The following TANC2 variants were observed in gnomAD, a reference collection of about 807,000 sequenced individuals.
The protein encoded by TANC2 is tetratricopeptide repeat, ankyrin repeat and coiled-coil containing 2.
In TANC2, 26 loss-of-function variants were observed where a neutral mutation model predicts 210.5. The observed-to-expected ratio is 0.12, with a 90% confidence interval of 0.09 to 0.17. The LOEUF (loss-of-function observed/expected upper bound fraction) is 0.17, where lower values mean the gene tolerates loss of function less well. Among genes scored for constraint, TANC2 ranks in the 10% least tolerant of loss-of-function variants. The pLI is 1.00. For synonymous variants in TANC2, 931 were observed against 967.1 expected, an observed-to-expected ratio of 0.96 and a Z score of 0.69; for missense variants, 2,129 against 2,608.9, an observed-to-expected ratio of 0.82 and a Z score of 4.01.
intron 5 of TANC2, among the ~76,000 whole-genome samples, chr17:63,178,067 C>T (rs1173983417): frequency 1.3e-5 from 2 of 152,250 alleles, no homozygotes; most frequent in African/African-American, 4.8e-5. Flanking sequence ...TGCGGTGGCT[C>T]ACGCCCGTAA....
At chr17:63,242,407 T>C (rs1439334463) in intron 8 of TANC2, among the ~76,000 whole-genome samples, 1 of 151,974 alleles carries the variant, frequency 6.6e-6, no homozygotes, top group East Asian at 1.9e-4. Context: ...TATAAAACAT[T>C]ATAATATCTG....
intron 19 of TANC2, among the ~76,000 whole-genome samples, chr17:63,401,854 A>G (rs2048353972): frequency 6.6e-6 from 1 of 152,200 alleles, no homozygotes; most frequent in African/African-American, 2.4e-5. Context: ...AAGAAACCAG[A>G]GTTTACGACA....
At chr17:62,971,762 C>T (rs2031708142) in intron 1 of TANC2, among the ~76,000 whole-genome samples, 1 of 152,216 alleles carries the variant, frequency 6.6e-6, no homozygotes, top group African/African-American at 2.4e-5. Context: ...CCTGTCAGAT[C>T]AGCAGCTTCA....
At position 62,966,919 on chromosome 17, in the gene TANC2, AC is replaced by A. The variant is rs1328148447; in HGVS notation, c.-24+172del. Reference sequence around the variant, plus strand: ...GGGGAAGGCTGGCTCCGAATATGACACCAAGGCGGGCTTCAGAGGCGTGTGG... The same window carrying A: ...GGGGAAGGCTGGCTCCGAATATGACACAAGGCGGGCTTCAGAGGCGTGTGG... On this transcript the variant is annotated intron_variant, in intron 1 of 27. Coordinates refer to ENST00000689528, the Ensembl canonical transcript of TANC2. This position sits in a 1 kb window ranked among gnomAD's most constrained non-coding sequence, Gnocchi z 5.1. 6.6e-6 allele frequency: 1 copy of A among 152,152 alleles called. No homozygotes were observed. The highest frequency in any genetic ancestry group is 1.5e-5 in the Non-Finnish European group (1 of 68,044). The allele number at this position is 152,152 out of a possible 1,614,324, so 9.4% of individuals were successfully genotyped here.
chr17:63,251,259 AGATT>A (rs2146155494), intron 8 of TANC2, among the ~76,000 whole-genome samples: 1 of 152,306 alleles, frequency 6.6e-6, no homozygotes, highest in East Asian at 1.9e-4. Flanking sequence ...TCTGACTGGG[AGATT>A]GATTAGGAAA....
intron 4 of TANC2, among the ~76,000 whole-genome samples, chr17:63,117,428 G>A (rs535597762): frequency 3.3e-5 from 5 of 152,254 alleles, no homozygotes; most frequent in South Asian, 2.1e-4. Flanking sequence ...AAAAGAACTC[G>A]TCTGTGTAAT....
In TANC2 at chr17:63,410,860, CAAAAAAAAAAAA is replaced by C. The variant is rs34268418; in HGVS notation, c.3590-633_3590-622del. ...AGGGCAACGGAGCAAGACTCCATCT[CAAAAAAAAAAAA>C]AAAAAAAAAAAAAAAAAGAAGCAGA... On this transcript the variant is annotated intron_variant, in intron 21 of 27. Coordinates refer to ENST00000689528, the Ensembl canonical transcript of TANC2. Among the ~76,000 whole-genome samples, 72 of 39,014 alleles carry C rather than the reference CAAAAAAAAAAAA, an allele frequency of 1.8e-3. 1 individual carries two copies. The East Asian group carries it at 0.079, about 43-fold the overall frequency. 25.6% of individuals were successfully genotyped at this position (39,014 alleles called of 152,430 possible).
At chr17:63,098,515 G>GTATATATATATATATATATATA (rs373665673) in intron 3 of TANC2, among the ~76,000 whole-genome samples, 1 of 126,754 alleles carries the variant, frequency 7.9e-6, no homozygotes, top group Admixed American at 8.0e-5. Flanking sequence ...CTCTCTGTGT[G>GTATATATATATATATATATATA]TATATATATA....
intron 11 of TANC2, among the ~76,000 whole-genome samples, chr17:63,338,747 C>T (rs2046121674): frequency 6.6e-6 from 1 of 152,206 alleles, no homozygotes. Context: ...GCTCAGACTT[C>T]ATTGCTTCAC....
At chr17:63,413,588 T>C (rs1340975941) in exon 25 of TANC2, 6 of 1,602,866 alleles carry the variant, frequency 3.7e-6, no homozygotes, top group Non-Finnish European at 4.3e-6. Flanking sequence ...GACATCATGA[T>C]CATCCTGTTG....
chr17:63,059,532 T>C (rs544825766), intron 2 of TANC2, among the ~76,000 whole-genome samples: 16 of 152,274 alleles, frequency 1.1e-4, no homozygotes, highest in African/African-American at 3.4e-4. Flanking sequence ...CCACTTATTA[T>C]CCAAAATAAT....
intron 8 of TANC2, among the ~76,000 whole-genome samples, chr17:63,239,833 T>G (rs376289802): frequency 7.9e-5 from 12 of 152,138 alleles, no homozygotes; most frequent in East Asian, 3.9e-4. Flanking sequence ...TCTGCTTGGC[T>G]TCTGAGGAGG....
At chr17:63,322,241 G>C (rs191849177) in intron 11 of TANC2, among the ~76,000 whole-genome samples, 1 of 152,220 alleles carries the variant, frequency 6.6e-6, no homozygotes. Context: ...TAGAATCCCT[G>C]TAATCCCAGC....
chr17:63,313,350 T>C (rs184922226), intron 9 of TANC2: 1 of 152,348 alleles, frequency 6.6e-6, no homozygotes, highest in East Asian at 1.9e-4. Flanking sequence ...TTAGAGCTGC[T>C]CTGGGAACAG....
chr17:63,348,877 T>C (rs1227157057), intron 12 of TANC2, among the ~76,000 whole-genome samples: 1 of 152,172 alleles, frequency 6.6e-6, no homozygotes, highest in Non-Finnish European at 1.5e-5. Context: ...ATCTCACCTC[T>C]TAAATTTATA....
chr17:63,070,818 A>G (rs1430501188), intron 2 of TANC2, among the ~76,000 whole-genome samples: 2 of 152,188 alleles, frequency 1.3e-5, no homozygotes, highest in African/African-American at 4.8e-5. Flanking sequence ...TCTCTACACT[A>G]CTATAAGGGG....
At chr17:63,044,337 T>C (rs968182671) in intron 2 of TANC2, among the ~76,000 whole-genome samples, 1 of 152,184 alleles carries the variant, frequency 6.6e-6, no homozygotes, top group Non-Finnish European at 1.5e-5. Context: ...GTATTGTGTG[T>C]TTTAAAATAT....
At position 63,340,096 on chromosome 17, in the gene TANC2, T is replaced by C; in HGVS notation, c.1576-5T>C. On this transcript the variant is annotated splice_region_variant and splice_polypyrimidine_tract_variant and intron_variant, in intron 11 of 27. Transcript: ENST00000689528. ...CCTGTTTGCATTCTCATCTTTCTTT[T>C]GCAGGTGGTTGCCTATCACTATTGT... is the stretch of plus-strand genomic sequence containing the variant. 6.2e-7 allele frequency: 1 copy of C among 1,610,972 alleles called. No individual in the cohort carries two copies. Among genetic ancestry groups the C allele is most frequent in the Non-Finnish European group, 8.5e-7 (1 of 1,177,742 alleles).
chr17:62,999,456 G>A (rs1299676711), intron 1 of TANC2, among the ~76,000 whole-genome samples: 2 of 152,134 alleles, frequency 1.3e-5, no homozygotes, highest in Non-Finnish European at 2.9e-5. Flanking sequence ...AGACAAAAAG[G>A]CATTACATAA....
Sources: gnomAD v4.1 joint callset for allele counts (sites outside exome capture counted in the v4.1 genomes callset) on GRCh38, gnomAD v4.1.1 for gene constraint, Gnocchi (gnomAD v3.1) non-coding constraint, MANE v1.5 for transcripts, NCBI Gene and HGNC (gene_info 2026-07-23, HGNC 2026-07-21) for gene names.